Variants in RELN observed in about 807,000 individuals in gnomAD.
RELN encodes the protein reelin.
Under a neutral mutation model 427.6 loss-of-function variants are expected in RELN, and 108 were observed. The ratio of observed to expected loss-of-function variants is 0.25; its 90% confidence interval spans 0.22 to 0.30. The LOEUF is 0.30. Among genes scored for constraint, RELN ranks in the 10% least tolerant of loss-of-function variants. The probability of loss-of-function intolerance (pLI) is 1.00; values close to 1 mark genes in which losing one functional copy is unlikely to be tolerated. For synonymous variants in RELN, 1,524 were observed against 1,513.4 expected (o/e 1.01, Z -0.16); for missense variants, 3,715 against 4,302.8 (o/e 0.86, Z 3.82).
At chr7:103,533,218 C>G (rs1829978477) in intron 46 of RELN, among the ~76,000 whole-genome samples, 1 of 152,204 alleles carries the variant, frequency 6.6e-6, no homozygotes, top group African/African-American at 2.4e-5. Flanking sequence ...CATTCCTAAC[C>G]CTTACTGAGC....
chr7:103,922,767 A>C (rs1421512358), intron 1 of RELN, among the ~76,000 whole-genome samples: 1 of 152,214 alleles, frequency 6.6e-6, no homozygotes, highest in African/African-American at 2.4e-5. Context: ...AAATTTAGAC[A>C]TTTAATGATG....
chr7:103,693,765 C>T (rs1041479995), intron 10 of RELN, among the ~76,000 whole-genome samples: 10 of 152,118 alleles, frequency 6.6e-5, no homozygotes, highest in African/African-American at 2.4e-4. Context: ...CCAGTGGCAT[C>T]CCTTTGGATG....
At chr7:103,535,863 T>A (rs362735) in intron 45 of RELN, among the ~76,000 whole-genome samples, 2,606 of 152,116 alleles carry the variant, frequency 0.017, 81 homozygotes, top group African/African-American at 0.06. Flanking sequence ...TAATTTAATA[T>A]TATAGTGATA....
intron 25 of RELN, 131 bp from the exon 26 acceptor site, chr7:103,594,623 C>G: frequency 1.0e-6 from 1 of 964,142 alleles, no homozygotes; most frequent in South Asian, 1.5e-5. Context: ...TTCCAAAAGC[C>G]CGTAAGTTTG....
intron 6 of RELN, among the ~76,000 whole-genome samples, chr7:103,735,337 C>G (rs1034410024): frequency 1.3e-5 from 2 of 151,952 alleles, no homozygotes; most frequent in East Asian, 1.9e-4. Context: ...AGAGAGTATA[C>G]TTCTGAAGAT....
chr7:103,801,360 AG>A (rs1224951018), intron 3 of RELN, among the ~76,000 whole-genome samples: 1 of 152,342 alleles, frequency 6.6e-6, no homozygotes, highest in East Asian at 1.9e-4. Context: ...GACTGGATAA[AG>A]AAAATGTGGC....
intron 20 of RELN, among the ~76,000 whole-genome samples, chr7:103,629,490 AAG>A (rs1251665320): frequency 6.6e-6 from 1 of 152,196 alleles, no homozygotes; most frequent in Non-Finnish European, 1.5e-5. Flanking sequence ...GGACTTATAT[AAG>A]AGAGCATGAA....
intron 10 of RELN, among the ~76,000 whole-genome samples, chr7:103,693,462 T>C (rs1424087253): frequency 6.6e-6 from 1 of 151,474 alleles, no homozygotes; most frequent in Non-Finnish European, 1.5e-5. Flanking sequence ...TGTATACTTA[T>C]GTAACAAACC....
chr7:103,524,072 C>A (rs539802244), intron 46 of RELN, among the ~76,000 whole-genome samples: 5 of 152,154 alleles, frequency 3.3e-5, no homozygotes, highest in Middle Eastern at 3.2e-3. Flanking sequence ...GCCAAGTGAT[C>A]TTCCTGAGCC....
At chr7:103,700,723 G>C (rs1344458399) in intron 9 of RELN, among the ~76,000 whole-genome samples, 187 bp downstream of exon 9, 1 of 152,114 alleles carries the variant, frequency 6.6e-6, no homozygotes, top group African/African-American at 2.4e-5. Context: ...AATGGAAAAT[G>C]ACACTTTTAA....
intron 1 of RELN, among the ~76,000 whole-genome samples, chr7:103,980,821 T>C (rs1003167076): frequency 2.0e-5 from 3 of 152,130 alleles, no homozygotes; most frequent in Admixed American, 6.5e-5. Context: ...TTTCAGGTAA[T>C]ATTAGTGCTT....
chr7:103,636,590 T>C, intron 17 of RELN, 122 bp from the exon 18 acceptor site: 1 of 731,054 alleles, frequency 1.4e-6, no homozygotes. Context: ...TGAGGCTCAT[T>C]AGTCTTTGGA....
chr7:103,902,676 G>A (rs910128695), intron 2 of RELN, among the ~76,000 whole-genome samples: 10 of 152,160 alleles, frequency 6.6e-5, no homozygotes, highest in Middle Eastern at 3.4e-3. Flanking sequence ...TTAGTTGTGT[G>A]CTTGCCTCAG....
intron 49 of RELN, among the ~76,000 whole-genome samples, chr7:103,518,521 G>GTTTTTTTTTTTTTTTTTTTT (rs1584258740): frequency 2.3e-5 from 2 of 85,762 alleles, no homozygotes; most frequent in Non-Finnish European, 1.9e-5. Flanking sequence ...TTTTTTTTTG[G>GTTTTTTTTTTTTTTTTTTTT]TAAAATGTCT....
chr7:103,820,415 C>T (rs1792985317), intron 3 of RELN, among the ~76,000 whole-genome samples: 2 of 152,064 alleles, frequency 1.3e-5, no homozygotes, highest in South Asian at 4.2e-4. Flanking sequence ...AATTAATTCC[C>T]ATGGTTACTT....
intron 64 of RELN, among the ~76,000 whole-genome samples, chr7:103,477,262 A>T (rs1231681299): frequency 6.6e-6 from 1 of 152,228 alleles, no homozygotes; most frequent in African/African-American, 2.4e-5. Flanking sequence ...TACTCTTTAA[A>T]GGAGACACAA....
chr7:103,533,342 C>G (rs1283821342), intron 46 of RELN, among the ~76,000 whole-genome samples: 1 of 152,206 alleles, frequency 6.6e-6, no homozygotes, highest in Non-Finnish European at 1.5e-5. Context: ...TTCCAGATAA[C>G]AGAGACAGCG....
chr7:103,683,707 C>A (rs1188875467), intron 10 of RELN, among the ~76,000 whole-genome samples: 1 of 152,130 alleles, frequency 6.6e-6, no homozygotes, highest in African/African-American at 2.4e-5. Flanking sequence ...TAATAAGCGA[C>A]TTTTGGGTGT....
chr7:103,942,296 C>A (rs1796132007), intron 1 of RELN, among the ~76,000 whole-genome samples: 1 of 152,152 alleles, frequency 6.6e-6, no homozygotes, highest in Admixed American at 6.6e-5. Flanking sequence ...ACATCTTCCA[C>A]CCTCCCCGAC....
Sources: gnomAD v4.1 joint callset for allele counts (sites outside exome capture counted in the v4.1 genomes callset) on GRCh38, gnomAD v4.1.1 for gene constraint, MANE v1.5 for transcripts, NCBI Gene and HGNC (gene_info 2026-07-23, HGNC 2026-07-21) for gene names.